Variants in DLX1 observed in about 807,000 individuals in gnomAD.
DLX1 encodes distal-less homeobox 1, also known as homeobox protein DLX-1.
In DLX1, 7 loss-of-function variants were observed where a neutral mutation model predicts 25.0. The ratio of observed to expected loss-of-function variants is 0.28; its 90% CI spans 0.16 to 0.52. The LOEUF (loss-of-function observed/expected upper bound fraction) is 0.52. Ranked by LOEUF, DLX1 falls within the 20% of genes least tolerant of loss-of-function variation. The probability of loss-of-function intolerance (pLI) is 0.96; values close to 1 mark genes in which losing one functional copy is unlikely to be tolerated. For synonymous variants in DLX1, 155 were observed against 140.3 expected (o/e 1.10, Z -0.74); for missense variants, 233 against 334.4 (o/e 0.70, Z 2.37).
In DLX1 at chr2:172,085,567, G is replaced by T. The variant is rs1690819566; in HGVS notation, c.-111G>T. On this transcript the variant is annotated 5_prime_UTR_variant, in exon 1 of 3. It removes the in-frame stop codon of an upstream open reading frame in the 5' UTR. Coordinates refer to ENST00000361725, the MANE Select transcript of DLX1 (RefSeq NM_178120.5). This position sits in a 1 kb window ranked among gnomAD's most constrained non-coding sequence, Gnocchi z 4.3. ...CTCCATTTTCTTATGAATGGAAAGT[G>T]AAAACCCCTGTTCCGCTTAAATTGG... is the stretch of plus-strand genomic sequence containing the variant. 8 of 1,143,634 alleles carry T rather than the reference G, an allele frequency of 7.0e-6. No individual in the cohort carries two copies. Among genetic ancestry groups the T allele is most frequent in the Non-Finnish European group, 8.7e-6 (7 of 800,130 alleles). The allele number at this position is 1,143,634 out of a possible 1,614,324, so 70.8% of individuals were successfully genotyped here.
rs1024711545 is a variant in DLX1, at chr2:172,088,761, A to T, written c.*504A>T. The T allele has an allele frequency of 6.5e-6, 1 of 152,876 alleles. No homozygotes were observed. Among genetic ancestry groups the T allele is most frequent in the Non-Finnish European group, 1.5e-5 (1 of 68,230 alleles). The allele number at this position is 152,876 out of a possible 1,614,324, so 9.5% of individuals were successfully genotyped here. On this transcript the variant is annotated 3_prime_UTR_variant, in exon 3 of 3. Coordinates refer to ENST00000361725, the MANE Select transcript of DLX1 (RefSeq NM_178120.5). ...GAGCGGCCCGGGTCCTGCCGGGCTG[A>T]CCATCTCCGGATCCTGGGACACTCT...
rs900128719 is a variant in DLX1, at chr2:172,085,902, C to G, written c.225C>G (p.Val75=). 6.2e-6 allele frequency: 10 copies of G among 1,614,098 alleles called. No individual in the cohort carries two copies. In the African/African-American group the frequency reaches 1.3e-4, roughly 22 times the overall value. ...RPLGYPYVNS[V]SSHASSPYIS... is the part of the protein sequence containing the mutation. ...TGGGCTACCCCTACGTCAACTCGGT[C>G]AGCAGCCACGCATCCAGCCCCTACA... Residue 75 remains valine (V), a synonymous_variant, in exon 1 of 3, where the codon GTC becomes GTG. Transcript: ENST00000361725. The surrounding 1 kb of genome is among the most constrained non-coding windows in gnomAD (Gnocchi z 4.3).
rs759144022 is a variant in DLX1, at chr2:172,086,821, C to G, written c.481C>G (p.Leu161Val). 1 of 1,614,266 alleles carries G rather than the reference C, an allele frequency of 6.2e-7. No individual in the cohort carries two copies. Among genetic ancestry groups the G allele is most frequent in the Non-Finnish European group, 8.5e-7 (1 of 1,180,046 alleles). The change falls in exon 2 of 3, where the codon CTC (leucine) becomes GTC (valine). Residue 161 changes from leucine to valine, a missense_variant. Coordinates refer to ENST00000361725, the MANE Select transcript of DLX1 (RefSeq NM_178120.5). ...QYLALPERAE[L>V]AASLGLTQTQ... ...CCTAGCTCTGCCGGAGAGGGCGGAGCTCGCGGCCTCTTTGGGACTCACACA... is the reference window on the plus strand; with the variant it reads ...CCTAGCTCTGCCGGAGAGGGCGGAGGTCGCGGCCTCTTTGGGACTCACACA...
At chr2:172,087,779 GC>G (rs1690872303) in intron 2 of DLX1, among the ~76,000 whole-genome samples, 1 of 150,546 alleles carries the variant, frequency 6.6e-6, no homozygotes, top group Admixed American at 6.6e-5. Flanking sequence ...TCTGAGAGCT[GC>G]CCCCGTGGGC....
intron 1 of DLX1, chr2:172,086,367 A>G (rs1690839204): frequency 2.1e-6 from 1 of 478,786 alleles, no homozygotes; most frequent in Non-Finnish European, 3.7e-6. Flanking sequence ...CGCTATAAAC[A>G]ATGTATGCAA....
chr2:172,086,447 G>A (rs1487260940), intron 1 of DLX1: 1 of 511,030 alleles, frequency 2.0e-6, no homozygotes, highest in Non-Finnish European at 3.4e-6. Flanking sequence ...CAGGAGCTGA[G>A]CTCCTGGGAA....
At position 172,088,080 on chromosome 2, in the gene DLX1, T is replaced by C. The variant is rs1238405988; in HGVS notation, c.591T>C (p.Ser197=). ...MKQGGAALEG[S]ALANGRALSA... Reference sequence around the variant, plus strand: ...AGGGTGGGGCGGCTCTGGAGGGTAGTGCGTTGGCCAACGGTCGGGCCCTGT... The same window carrying C: ...AGGGTGGGGCGGCTCTGGAGGGTAGCGCGTTGGCCAACGGTCGGGCCCTGT... The change falls in exon 3 of 3, where the codon AGT becomes AGC. Residue 197 remains serine, a synonymous_variant. Transcript: ENST00000361725. 1.9e-6 allele frequency: 3 copies of C among 1,589,582 alleles called. No individual in the cohort carries two copies. The highest frequency in any genetic ancestry group is 2.6e-6 in the Non-Finnish European group (3 of 1,168,322).
intron 1 of DLX1, 193 bp downstream of exon 1, chr2:172,086,183 A>T (rs188223977): frequency 8.7e-5 from 53 of 609,718 alleles, no homozygotes; most frequent in African/African-American, 5.6e-4. Flanking sequence ...CAGCAAATAA[A>T]TTTTTTTAAA....
chr2:172,085,554 A>G lies in DLX1; in HGVS notation c.-124A>G. The G allele has an allele frequency of 4.0e-6, 4 of 992,374 alleles. 1 individual carries two copies. In the South Asian group the frequency reaches 4.8e-5, roughly 12 times the overall value. 61.5% of individuals were successfully genotyped at this position (992,374 alleles called of 1,614,324 possible). On this transcript the variant is annotated 5_prime_UTR_variant, in exon 1 of 3. An upstream start codon of the reference 5' UTR is lost. Coordinates refer to ENST00000361725, the MANE Select transcript of DLX1 (RefSeq NM_178120.5). This position sits in a 1 kb window ranked among gnomAD's most constrained non-coding sequence, Gnocchi z 4.3. Reference sequence around the variant, plus strand: ...TCAAAGAGACAAACTCCATTTTCTTATGAATGGAAAGTGAAAACCCCTGTT... The same window carrying G: ...TCAAAGAGACAAACTCCATTTTCTTGTGAATGGAAAGTGAAAACCCCTGTT...
intron 1 of DLX1, chr2:172,086,383 G>T (rs947530639): frequency 1.4e-5 from 7 of 484,328 alleles, no homozygotes; most frequent in Non-Finnish European, 1.8e-5. Flanking sequence ...TGCAATTAAG[G>T]GTAATTAAAC....
At position 172,085,543 on chromosome 2, in the gene DLX1, T is replaced by TC; in HGVS notation, c.-133dup. ...GCTTAGACTTTTCAAAGAGACAAAC[T>TC]CCATTTTCTTATGAATGGAAAGTGA... On this transcript the variant is annotated 5_prime_UTR_variant, in exon 1 of 3. The change abolishes the stop of an existing upstream ORF in the 5' untranslated region. Transcript: ENST00000361725. This position sits in a 1 kb window ranked among gnomAD's most constrained non-coding sequence, Gnocchi z 4.3. 1.1e-6 allele frequency: 1 copy of TC among 925,342 alleles called. No individual in the cohort carries two copies. Among genetic ancestry groups the TC allele is most frequent in the Admixed American group, 2.6e-5 (1 of 38,982 alleles). The allele number at this position is 925,342 out of a possible 1,614,324, so 57.3% of individuals were successfully genotyped here.
rs1357513629 is a variant in DLX1, at chr2:172,086,639, C to T, written c.314-15C>T. ...CTCGTATTAACAACGGGCCCTACTT[C>T]TGCTGTCCCTCCAGGGGCGGACTCG... is the stretch of plus-strand genomic sequence containing the variant. On this transcript the variant is annotated splice_polypyrimidine_tract_variant and intron_variant, in intron 1 of 2. Transcript: ENST00000361725. 4 of 1,519,584 alleles carry T rather than the reference C, an allele frequency of 2.6e-6. No homozygotes were observed. The highest frequency in any genetic ancestry group is 2.3e-5 in the East Asian group (1 of 43,940). 94.1% of individuals were successfully genotyped at this position (1,519,584 alleles called of 1,614,324 possible). A position where few individuals can be genotyped will look rare whatever the true frequency, so the allele number is the denominator to read the frequency against.
Position 172,088,444 on chromosome 2 carries a change from A to T in DLX1, c.*187A>T, listed in dbSNP as rs929538309. The T allele has an allele frequency of 1.4e-6, 1 of 721,670 alleles. No homozygotes were observed. Among genetic ancestry groups the T allele is most frequent in the Non-Finnish European group, 2.0e-6 (1 of 508,212 alleles). 44.7% of individuals were successfully genotyped at this position (721,670 alleles called of 1,614,324 possible). On this transcript the variant is annotated 3_prime_UTR_variant, in exon 3 of 3. Coordinates refer to ENST00000361725, the MANE Select transcript of DLX1 (RefSeq NM_178120.5). The stretch of plus-strand genomic sequence containing the variant: ...TCCCGGCATCCGCGCTCTAGCCTGA[A>T]CCCTGGCCTGGGCCGAGCAGTGGCA...
At position 172,089,065 on chromosome 2, in the gene DLX1, TTAATAAA is replaced by T. The variant is rs879412019; in HGVS notation, c.*813_*819del. 6.6e-6 allele frequency: 1 copy of T among 152,218 alleles called. No individual in the cohort carries two copies. Among genetic ancestry groups the T allele is most frequent in the African/African-American group, 2.4e-5 (1 of 41,444 alleles). 9.4% of individuals were successfully genotyped at this position (152,218 alleles called of 1,614,324 possible). On this transcript the variant is annotated 3_prime_UTR_variant, in exon 3 of 3. Transcript: ENST00000361725. ...GCATTTTTTACATGTCCGACATTAT[TTAATAAA>T]TAATTTTTAAAAGAAAAGAACGATA...
intron 2 of DLX1, chr2:172,087,304 CCT>C (rs1690862848): frequency 1.6e-5 from 6 of 371,768 alleles, no homozygotes; most frequent in Non-Finnish European, 3.1e-5. Context: ...TTTCCTCCGC[CCT>C]CTCACCTCTC....
rs1183156421 is a variant in DLX1 at position 172,089,087 on chromosome 2, AAAG to A, written c.*833_*835del. The A allele has an allele frequency of 3.3e-5, 5 of 152,216 alleles. No homozygotes were observed. The highest frequency in any genetic ancestry group is 5.9e-5 in the Non-Finnish European group (4 of 68,040). 9.4% of individuals were successfully genotyped at this position (152,216 alleles called of 1,614,324 possible). A position where few individuals can be genotyped will look rare whatever the true frequency, so the allele number is the denominator to read the frequency against. On this transcript the variant is annotated 3_prime_UTR_variant, in exon 3 of 3. Transcript: ENST00000361725. The stretch of plus-strand genomic sequence containing the variant: ...TATTTAATAAATAATTTTTAAAAGA[AAAG>A]AACGATAAATGAAGCCAACATGATT...
Position 172,086,679 on chromosome 2 carries a change from G to T in DLX1, c.339G>T (p.Val113=). 1 of 1,551,744 alleles carries T rather than the reference G, an allele frequency of 6.4e-7. No individual in the cohort carries two copies. Among genetic ancestry groups the T allele is most frequent in the South Asian group, 1.2e-5 (1 of 80,470 alleles). ...DPGADSEKST[V]VEGGEVRFNG... ...GGGCGGACTCGGAGAAGAGCACGGT[G>T]GTGGAAGGCGGTGAAGTGCGCTTCA... The change falls in exon 2 of 3, where the codon GTG becomes GTT. Residue 113 remains valine (V), a synonymous_variant. Transcript: ENST00000361725.
rs1273553981 is a variant in DLX1, at chr2:172,088,121, C to A, written c.632C>A (p.Pro211His). The A allele has an allele frequency of 1.9e-6, 3 of 1,608,918 alleles. No homozygotes were observed. Among genetic ancestry groups the A allele is most frequent in the East Asian group, 4.5e-5 (2 of 44,384 alleles). The change falls in exon 3 of 3, where the codon CCC becomes CAC. Residue 211 changes from proline (P) to histidine (H), a missense_variant. This residue lies in a region of DLX1 where 84 missense variants were observed against 81.8 expected (regional missense o/e 1.03). Coordinates refer to ENST00000361725, the MANE Select transcript of DLX1 (RefSeq NM_178120.5). ...NGRALSAGSP[P>H]VPPGWNPNSS... Reference sequence around the variant, plus strand: ...CGGGCCCTGTCTGCTGGCTCCCCACCCGTGCCGCCCGGCTGGAACCCTAAC... The same window carrying A: ...CGGGCCCTGTCTGCTGGCTCCCCACACGTGCCGCCCGGCTGGAACCCTAAC...
At chr2:172,086,616 C>A in intron 1 of DLX1, 38 bp from the exon 2 acceptor site, 1 of 1,502,144 alleles carries the variant, frequency 6.7e-7, no homozygotes, top group Non-Finnish European at 8.9e-7. Flanking sequence ...GGCGGCCCCT[C>A]GTATTAACAA....
Sources: gnomAD v4.1 joint callset for allele counts (sites outside exome capture counted in the v4.1 genomes callset) on GRCh38, gnomAD v4.1.1 for gene constraint, gnomAD v4.1.1 regional missense constraint, Gnocchi (gnomAD v3.1) non-coding constraint, MANE v1.5 for transcripts, NCBI Gene and HGNC (gene_info 2026-07-23, HGNC 2026-07-21) for gene names.